NBAS: variants seen among roughly 807,000 people sequenced by gnomAD.
NBAS encodes NAG/BC035112 fusion.
NBAS carries 219 observed loss-of-function variants against 302.5 expected under a neutral mutation model. The ratio of observed to expected loss-of-function variants is 0.72; its 90% CI spans 0.65 to 0.81. NBAS has a LOEUF of 0.81. Ranked by LOEUF, NBAS falls within the 30% of genes least tolerant of loss-of-function variation. The probability of loss-of-function intolerance (pLI) is 0.00; values close to 1 mark genes in which losing one functional copy is unlikely to be tolerated. For missense variants in NBAS, 2,932 were observed against 2,841.6 expected, an observed-to-expected ratio of 1.03 and a Z score of -0.72; for synonymous variants, 1,118 against 1,021.6, an observed-to-expected ratio of 1.09 and a Z score of -1.80.
At chr2:15,179,235 A>G in intron 50 of NBAS, 119 bp from the exon 51 acceptor site, 3 of 1,467,028 alleles carry the variant, frequency 2.0e-6, no homozygotes, top group Non-Finnish European at 2.8e-6. Context: ...GTGTAAAGCC[A>G]CATATGGTAC....
At chr2:15,113,914 C>T in the NBAS span, among the ~76,000 whole-genome samples, 2 of 152,132 alleles carry the variant, frequency 1.3e-5, no homozygotes, top group South Asian at 4.2e-4. Flanking sequence ...GAATTAATGG[C>T]TACTAACAGC....
chr2:14,797,556 T>A, the NBAS span, among the ~76,000 whole-genome samples: 3 of 152,082 alleles, frequency 2.0e-5, no homozygotes. Flanking sequence ...TCTCTGAGTG[T>A]TTAGGTGCCA....
chr2:15,448,816 G>A (rs545171940), intron 21 of NBAS, among the ~76,000 whole-genome samples: 18 of 152,188 alleles, frequency 1.2e-4, no homozygotes, highest in East Asian at 5.8e-4. Flanking sequence ...TAGAAAAAGG[G>A]TTTATTTATA....
Position 15,461,296 on chromosome 2 carries a change from A to T in NBAS, c.2244T>A (p.His748Gln). The T allele has an allele frequency of 6.2e-7, 1 of 1,613,248 alleles. No individual in the cohort carries two copies. The highest frequency in any genetic ancestry group is 8.5e-7 in the Non-Finnish European group (1 of 1,179,220). Reference sequence around the variant, plus strand: ...GGCGATGAGGAAGCAGGTCGGAACCATGGTAAGTAAACAGAATTTCCAGGG... The same window carrying T: ...GGCGATGAGGAAGCAGGTCGGAACCTTGGTAAGTAAACAGAATTTCCAGGG... ...VQALEILFTYHGSDLLPHRLA... is the reference protein window; with the variant it reads ...VQALEILFTYQGSDLLPHRLA... The change falls in exon 21 of 52, where the codon CAT becomes CAA. Residue 748 changes from histidine to glutamine, a missense_variant. Physicochemically the swap from His to Gln is conservative, Grantham distance 24. Transcript: ENST00000281513.
chr2:15,186,162 G>C (rs1026694223), intron 50 of NBAS, among the ~76,000 whole-genome samples: 1 of 150,176 alleles, frequency 6.7e-6, no homozygotes, highest in African/African-American at 2.4e-5. Flanking sequence ...ATGTGTGTCT[G>C]TGTGTGTGTA....
At chr2:15,323,745 G>A (rs1209030949) in intron 38 of NBAS, among the ~76,000 whole-genome samples, 3 of 151,892 alleles carry the variant, frequency 2.0e-5, no homozygotes, top group African/African-American at 7.3e-5. Flanking sequence ...AGTGGTGGGA[G>A]GGTCACTTGT....
the NBAS span, among the ~76,000 whole-genome samples, chr2:15,098,492 A>ATTG: frequency 8.6e-6 from 1 of 116,680 alleles, no homozygotes; most frequent in African/African-American, 3.4e-5. Context: ...TATATTGTAT[A>ATTG]TAATATGTTA....
Position 15,396,490 on chromosome 2 carries a change from G to T in NBAS, c.3072-15C>A, listed in dbSNP as rs774734243. On this transcript the variant is annotated splice_polypyrimidine_tract_variant and intron_variant, in intron 26 of 51. Transcript: ENST00000281513. ...CTGTCTTATCACTAATAAATTAAAA[G>T]AAGAAAAAAAAAAGCCCTTAAGTTT... is the stretch of plus-strand genomic sequence containing the variant. 2 of 1,473,694 alleles carry T rather than the reference G, an allele frequency of 1.4e-6. No individual in the cohort carries two copies. Among genetic ancestry groups the T allele is most frequent in the South Asian group, 1.5e-5 (1 of 67,780 alleles). The allele number at this position is 1,473,694 out of a possible 1,614,324, so 91.3% of individuals were successfully genotyped here.
At chr2:15,065,997 G>T in the NBAS span, among the ~76,000 whole-genome samples, 1 of 152,096 alleles carries the variant, frequency 6.6e-6, no homozygotes, top group Non-Finnish European at 1.5e-5. Flanking sequence ...CAAAGTTATA[G>T]TAAACAAAAT....
At chr2:15,037,979 C>A in the NBAS span, among the ~76,000 whole-genome samples, 1 of 151,618 alleles carries the variant, frequency 6.6e-6, no homozygotes, top group Non-Finnish European at 1.5e-5. Context: ...CTGGTCCCAG[C>A]CTCAAATTGG....
chr2:15,303,293 C>T (rs1336980860), intron 40 of NBAS, among the ~76,000 whole-genome samples: 1 of 152,068 alleles, frequency 6.6e-6, no homozygotes, highest in African/African-American at 2.4e-5. Context: ...AAACAGAAAT[C>T]GGGGTAAGAG....
the NBAS span, among the ~76,000 whole-genome samples, chr2:15,120,471 T>C: frequency 3.3e-5 from 5 of 151,992 alleles, no homozygotes; most frequent in African/African-American, 1.2e-4. Context: ...AATCCTCATA[T>C]GACACTCTGA....
the NBAS span, among the ~76,000 whole-genome samples, chr2:15,043,564 A>G: frequency 0.82 from 125,048 of 152,088 alleles, 51,757 homozygotes; most frequent in East Asian, 0.99. Context: ...GATTTCCTAA[A>G]CCTCAGTAAT....
At chr2:15,446,831 T>C (rs964529036) in intron 21 of NBAS, among the ~76,000 whole-genome samples, 2 of 151,254 alleles carry the variant, frequency 1.3e-5, no homozygotes, top group Admixed American at 1.3e-4. Flanking sequence ...TATTTGAAGT[T>C]AGACTATTAT....
the NBAS span, among the ~76,000 whole-genome samples, chr2:14,854,746 G>A: frequency 2.0e-5 from 3 of 152,070 alleles, no homozygotes; most frequent in Non-Finnish European, 4.4e-5. Flanking sequence ...ATTTAAACTA[G>A]TCCAATCCCA....
At chr2:15,043,668 C>G in the NBAS span, among the ~76,000 whole-genome samples, 8 of 152,206 alleles carry the variant, frequency 5.3e-5, no homozygotes, top group Non-Finnish European at 8.8e-5. Context: ...CCCTCTCCCC[C>G]TTAATCACAC....
chr2:15,457,834 G>A (rs996019041), intron 21 of NBAS, among the ~76,000 whole-genome samples: 2 of 152,188 alleles, frequency 1.3e-5, no homozygotes, highest in East Asian at 3.9e-4. Context: ...TGCTCTACTT[G>A]TCATTTAGGG....
At chr2:14,906,555 C>G in the NBAS span, among the ~76,000 whole-genome samples, 17 of 152,260 alleles carry the variant, frequency 1.1e-4, no homozygotes, top group Non-Finnish European at 2.2e-4. Flanking sequence ...TTGTTCCTAC[C>G]CAGGCCGCCT....
At position 15,258,182 on chromosome 2, in the gene NBAS, A is replaced by T. The variant is rs149088413; in HGVS notation, c.5724+17302T>A. ...TCATAATTTCTTATGCCTGTCTTAC[A>T]TTTAATCTCTTAATTCTGTTATCTT... On this transcript the variant is annotated intron_variant, in intron 44 of 51. Coordinates refer to ENST00000281513, the MANE Select transcript of NBAS (RefSeq NM_015909.4). Among the ~76,000 whole-genome samples, 373 of 152,304 alleles carry T rather than the reference A, an allele frequency of 2.4e-3. 2 individuals carry two copies. Among genetic ancestry groups the T allele is most frequent in the African/African-American group, 8.7e-3 (362 of 41,570 alleles).
Sources: allele counts gnomAD v4.1 joint callset (sites outside exome capture counted in the v4.1 genomes callset), GRCh38; gene constraint gnomAD v4.1.1; transcripts MANE v1.5; gene names NCBI Gene and HGNC (gene_info 2026-07-23, HGNC 2026-07-21).